Variants in TTC28 observed in about 807,000 individuals in gnomAD.
TTC28 encodes tetratricopeptide repeat domain 28, also known as tetratricopeptide repeat protein 28.
In TTC28, 61 loss-of-function variants were observed where a neutral mutation model predicts 198.0. The observed-to-expected ratio is 0.31, with a 90% confidence interval of 0.25 to 0.38. TTC28 has a LOEUF of 0.38. Among genes scored for constraint, TTC28 ranks in the 10% least tolerant of loss-of-function variants. The pLI, the probability that TTC28 is intolerant of heterozygous loss-of-function variation, is 1.00. For synonymous variants in TTC28, 1,171 were observed against 1,297.8 expected (o/e 0.90, Z 2.10); for missense variants, 2,678 against 3,164.0 (o/e 0.85, Z 3.69).
intron 6 of TTC28, among the ~76,000 whole-genome samples, chr22:28,116,686 G>A (rs930846230): frequency 2.0e-5 from 3 of 152,202 alleles, no homozygotes; most frequent in African/African-American, 7.2e-5. Context: ...TTTGTTTAGA[G>A]GCATGGGATA....
At chr22:28,189,085 T>C (rs896561587) in intron 5 of TTC28, among the ~76,000 whole-genome samples, 3 of 152,262 alleles carry the variant, frequency 2.0e-5, no homozygotes, top group Non-Finnish European at 2.9e-5. Flanking sequence ...AGTAAGCGCA[T>C]GCCTGTAATC....
intron 5 of TTC28, among the ~76,000 whole-genome samples, chr22:28,225,823 T>G (rs1444131560): frequency 6.6e-6 from 1 of 152,198 alleles, no homozygotes; most frequent in Non-Finnish European, 1.5e-5. Context: ...AACCACTGAT[T>G]TGCTTTCTGT....
chr22:28,445,249 A>G (rs2047685217), intron 2 of TTC28, among the ~76,000 whole-genome samples: 1 of 152,272 alleles, frequency 6.6e-6, no homozygotes, highest in Non-Finnish European at 1.5e-5. Flanking sequence ...CACATAGGAT[A>G]GAAAGGTATA....
intron 12 of TTC28, among the ~76,000 whole-genome samples, chr22:28,070,902 G>A (rs944273823): frequency 3.9e-5 from 6 of 152,174 alleles, no homozygotes; most frequent in African/African-American, 1.4e-4. Flanking sequence ...TCTTTCGAGA[G>A]CACAGTATGT....
chr22:28,588,459 G>A (rs1125250), intron 2 of TTC28, among the ~76,000 whole-genome samples: 1 of 151,946 alleles, frequency 6.6e-6, no homozygotes, highest in South Asian at 2.1e-4. Context: ...GAGGTTGCAG[G>A]AGAATCAACT....
intron 5 of TTC28, among the ~76,000 whole-genome samples, chr22:28,192,138 C>G (rs564095301): frequency 6.6e-6 from 1 of 152,154 alleles, no homozygotes; most frequent in African/African-American, 2.4e-5. Flanking sequence ...CACCAATAAC[C>G]GCTGTTCTGC....
intron 5 of TTC28, among the ~76,000 whole-genome samples, chr22:28,246,058 C>A (rs1056475693): frequency 1.7e-4 from 26 of 152,176 alleles, no homozygotes; most frequent in African/African-American, 6.3e-4. Flanking sequence ...GAGCTCTGTT[C>A]TTATTTACTC....
intron 1 of TTC28, among the ~76,000 whole-genome samples, chr22:28,639,359 T>C (rs1272826925): frequency 1.3e-5 from 2 of 152,230 alleles, no homozygotes; most frequent in Non-Finnish European, 2.9e-5. Flanking sequence ...AGTGTAACTT[T>C]TTCCTTACCC....
intron 15 of TTC28, 192 bp downstream of exon 15, chr22:28,001,182 G>A: frequency 1.6e-6 from 1 of 638,056 alleles, no homozygotes; most frequent in Non-Finnish European, 2.6e-6. Context: ...ATGGCCAGGG[G>A]TCATGAGGGC....
chr22:28,606,928 G>A (rs146920477), intron 2 of TTC28, among the ~76,000 whole-genome samples: 9 of 152,150 alleles, frequency 5.9e-5, no homozygotes, highest in East Asian at 3.9e-4. Context: ...CCAAAATGTC[G>A]CACCTAGGCA....
intron 6 of TTC28, among the ~76,000 whole-genome samples, chr22:28,143,344 G>C (rs900861399): frequency 6.6e-6 from 1 of 152,146 alleles, no homozygotes; most frequent in African/African-American, 2.4e-5. Flanking sequence ...GTCAAAAAGG[G>C]ACATATCATT....
chr22:28,049,279 A>G (rs1939986034), intron 12 of TTC28, among the ~76,000 whole-genome samples: 1 of 152,172 alleles, frequency 6.6e-6, no homozygotes, highest in African/African-American at 2.4e-5. Flanking sequence ...AAATCCCACC[A>G]TACAGGTTAA....
At chr22:28,260,259 T>C (rs1162284042) in intron 5 of TTC28, among the ~76,000 whole-genome samples, 1 of 152,190 alleles carries the variant, frequency 6.6e-6, no homozygotes, top group African/African-American at 2.4e-5. Context: ...AATTTTGTAC[T>C]ATAACATTTT....
At chr22:28,290,451 CATA>C (rs1193475318) in intron 5 of TTC28, among the ~76,000 whole-genome samples, 1 of 151,984 alleles carries the variant, frequency 6.6e-6, no homozygotes. Flanking sequence ...AGGAGTGTAA[CATA>C]AGAACAGAGA....
chr22:28,571,549 G>T (rs2050060137), intron 2 of TTC28, among the ~76,000 whole-genome samples: 1 of 152,200 alleles, frequency 6.6e-6, no homozygotes, highest in Non-Finnish European at 1.5e-5. Flanking sequence ...GTGCTGACAA[G>T]AATGTACAGC....
At position 28,306,519 on chromosome 22, in the gene TTC28, G is replaced by A. The variant is rs1371974434; in HGVS notation, c.506C>T (p.Ala169Val). The change falls in exon 3 of 23, where the codon GCC becomes GTC. Residue 169 changes from alanine (A) to valine (V), a missense_variant. By Grantham distance (64) the Ala-to-Val change is moderately conservative. Around this residue, in one of 8 missense-constraint regions of TTC28, gnomAD observed 176 missense variants for 197.9 expected, o/e 0.89. Transcript: ENST00000397906. Reference protein sequence around the residue: ...SLQLLVGMVEAAMKSPMRDSL... With the variant: ...SLQLLVGMVEVAMKSPMRDSL... Reference sequence around the variant, plus strand: ...ACCTCTCATGGGAGATTTCATGGCGGCTTCCACCATCCCCACCAGAAGCTG... The same window carrying A: ...ACCTCTCATGGGAGATTTCATGGCGACTTCCACCATCCCCACCAGAAGCTG... 2.6e-6 allele frequency: 4 copies of A among 1,550,114 alleles called. No individual in the cohort carries two copies. Among genetic ancestry groups the A allele is most frequent in the Non-Finnish European group, 3.5e-6 (4 of 1,146,632 alleles).
intron 2 of TTC28, among the ~76,000 whole-genome samples, chr22:28,363,025 C>T (rs1011070675): frequency 6.6e-6 from 1 of 152,160 alleles, no homozygotes; most frequent in African/African-American, 2.4e-5. Flanking sequence ...TTCAAGATGG[C>T]TGCAGAAATT....
intron 12 of TTC28, among the ~76,000 whole-genome samples, chr22:28,081,249 T>G (rs1941346502): frequency 6.6e-6 from 1 of 151,984 alleles, no homozygotes; most frequent in Non-Finnish European, 1.5e-5. Context: ...GGCACCATCT[T>G]GGCTCACTGC....
intron 14 of TTC28, 104 bp downstream of exon 14, chr22:28,014,144 T>A (rs1938261693): frequency 1.5e-6 from 2 of 1,376,984 alleles, no homozygotes; most frequent in Non-Finnish European, 9.6e-7. Flanking sequence ...CCTCCGGTTG[T>A]CTCGGGAGCC....
Sources: gnomAD v4.1 joint callset for allele counts (sites outside exome capture counted in the v4.1 genomes callset) on GRCh38, gnomAD v4.1.1 for gene constraint, gnomAD v4.1.1 regional missense constraint, MANE v1.5 for transcripts, NCBI Gene and HGNC (gene_info 2026-07-23, HGNC 2026-07-21) for gene names.